The following CD37 variants were observed in gnomAD, a reference collection of about 807,000 sequenced individuals.
CD37 encodes the protein leukocyte antigen CD37.
A neutral mutation model predicts 38.9 loss-of-function variants in CD37; 37 were observed. The ratio of observed to expected loss-of-function variants is 0.95; its 90% confidence interval spans 0.73 to 1.25. The LOEUF (loss-of-function observed/expected upper bound fraction) is 1.25, where lower values mean the gene tolerates loss of function less well. CD37 is among the 50% of genes most tolerant of loss of function. CD37 has a pLI of 0.00. For missense variants in CD37, 351 were observed against 360.1 expected (o/e 0.97, Z 0.20); for synonymous variants, 146 against 150.1 (o/e 0.97, Z 0.20).
chr19:49,340,007 C>G lies in CD37; in HGVS notation c.769-244C>G, dbSNP rs1260617410. 4 of 1,459,304 alleles carry G rather than the reference C, an allele frequency of 2.7e-6. No individual in the cohort carries two copies. In the African/African-American group the frequency reaches 5.6e-5, roughly 21 times the overall value. The allele number at this position is 1,459,304 out of a possible 1,614,324, so 90.4% of individuals were successfully genotyped here. ...AGATGAGCCTCCAAAATAAAGGACCCTGGGCTTGCTTCCGACCTTACTCCT... is the reference window on the plus strand; with the variant it reads ...AGATGAGCCTCCAAAATAAAGGACCGTGGGCTTGCTTCCGACCTTACTCCT... On this transcript the variant is annotated intron_variant, in intron 7 of 7. Coordinates refer to ENST00000323906, the MANE Select transcript of CD37 (RefSeq NM_001774.3).
Position 49,340,356 on chromosome 19 carries a change from G to A in CD37, c.*28G>A, listed in dbSNP as rs1418340321. 3.8e-6 allele frequency: 5 copies of A among 1,327,050 alleles called. No homozygotes were observed. Among genetic ancestry groups the A allele is most frequent in the Admixed American group, 1.8e-5 (1 of 55,336 alleles). 82.2% of individuals were successfully genotyped at this position (1,327,050 alleles called of 1,614,324 possible). A position where few individuals can be genotyped will look rare whatever the true frequency, so the allele number is the denominator to read the frequency against. On this transcript the variant is annotated 3_prime_UTR_variant, in exon 8 of 8. Coordinates refer to ENST00000323906, the MANE Select transcript of CD37 (RefSeq NM_001774.3). ...CCCGCCCTCCCCAAAGTCCCGCCCC[G>A]CCCCCGTCACGTGCGCTGGGCACTT...
At position 49,339,694 on chromosome 19, in the gene CD37, A is replaced by T; in HGVS notation, c.768+281A>T. On this transcript the variant is annotated intron_variant, in intron 7 of 7. Transcript: ENST00000323906. The surrounding 1 kb of genome is among the most constrained non-coding windows in gnomAD (Gnocchi z 4.5). ...GGTGCTGAGCGTACAGCTACAGCGC[A>T]GGGCACTCCGCCGGAAATGCGAGCC... 5 of 1,412,894 alleles carry T rather than the reference A, an allele frequency of 3.5e-6. No homozygotes were observed. Among genetic ancestry groups the T allele is most frequent in the Non-Finnish European group, 3.7e-6 (4 of 1,089,094 alleles). 87.5% of individuals were successfully genotyped at this position (1,412,894 alleles called of 1,614,324 possible). A position where few individuals can be genotyped will look rare whatever the true frequency, so the allele number is the denominator to read the frequency against.
chr19:49,339,325 C>A lies in CD37; in HGVS notation c.685-5C>A, dbSNP rs770553318. On this transcript the variant is annotated splice_region_variant and splice_polypyrimidine_tract_variant and intron_variant, in intron 6 of 7. Coordinates refer to ENST00000323906, the MANE Select transcript of CD37 (RefSeq NM_001774.3). This position sits in a 1 kb window ranked among gnomAD's most constrained non-coding sequence, Gnocchi z 4.5. Reference sequence around the variant, plus strand: ...ATCCCTTTAACTTTTCCCTACACCCCCCAGGGCTGCGCGCAGGGCCTCCAG... The same window carrying A: ...ATCCCTTTAACTTTTCCCTACACCCACCAGGGCTGCGCGCAGGGCCTCCAG... 2 of 1,613,618 alleles carry A rather than the reference C, an allele frequency of 1.2e-6. No homozygotes were observed. Among genetic ancestry groups the A allele is most frequent in the Non-Finnish European group, 1.7e-6 (2 of 1,179,612 alleles).
chr19:49,338,817 G>T lies in CD37; in HGVS notation c.565G>T (p.Asp189Tyr). 6.2e-7 allele frequency: 1 copy of T among 1,614,010 alleles called. No individual in the cohort carries two copies. The highest frequency in any genetic ancestry group is 8.5e-7 in the Non-Finnish European group (1 of 1,180,020). Residue 189 changes from aspartate to tyrosine, a missense_variant, in exon 6 of 8, where the codon GAC becomes TAC. Asp to Tyr is a radical substitution (Grantham distance 160). Coordinates refer to ENST00000323906, the MANE Select transcript of CD37 (RefSeq NM_001774.3). The surrounding 1 kb of genome is among the most constrained non-coding windows in gnomAD (Gnocchi z 5.0). The stretch of plus-strand genomic sequence containing the variant: ...CTGCTACAACTTGTCGGCGACCAAC[G>T]ACTCCACAATCCTAGATAAGGTGAT... ...CSCYNLSATN[D>Y]STILDKVILP...
chr19:49,339,685 C>T lies in CD37; in HGVS notation c.768+272C>T. 1 of 1,421,592 alleles carries T rather than the reference C, an allele frequency of 7.0e-7. No individual in the cohort carries two copies. The highest frequency in any genetic ancestry group is 9.2e-7 in the Non-Finnish European group (1 of 1,092,840). 88.1% of individuals were successfully genotyped at this position (1,421,592 alleles called of 1,614,324 possible). A position where few individuals can be genotyped will look rare whatever the true frequency, so the allele number is the denominator to read the frequency against. On this transcript the variant is annotated intron_variant, in intron 7 of 7. Transcript: ENST00000323906. This position sits in a 1 kb window ranked among gnomAD's most constrained non-coding sequence, Gnocchi z 4.5. ...GACTGTCATGGTGCTGAGCGTACAGCTACAGCGCAGGGCACTCCGCCGGAA... is the reference window on the plus strand; with the variant it reads ...GACTGTCATGGTGCTGAGCGTACAGTTACAGCGCAGGGCACTCCGCCGGAA...
In CD37 at chr19:49,335,690, C is replaced by CGT; in HGVS notation, c.70-23_70-22dup. 2 of 1,613,368 alleles carry CGT rather than the reference C, an allele frequency of 1.2e-6. No individual in the cohort carries two copies. The highest frequency in any genetic ancestry group is 1.7e-6 in the Non-Finnish European group (2 of 1,179,404). ...CTCATCTTCCCCTGTGGCCCACCCC[C>CGT]GTATCCGCATCTCCTCTCCCCAGGT... On this transcript the variant is annotated intron_variant, in intron 1 of 7. Coordinates refer to ENST00000323906, the MANE Select transcript of CD37 (RefSeq NM_001774.3). This position sits in a 1 kb window ranked among gnomAD's most constrained non-coding sequence, Gnocchi z 4.6.
intron 7 of CD37, 40 bp from the exon 8 acceptor site, chr19:49,340,211 A>G (rs759775399): frequency 6.4e-7 from 1 of 1,558,218 alleles, no homozygotes. Context: ...TCTCGCCAGC[A>G]CCCCTTCGAC....
In CD37 at chr19:49,339,770, A is replaced by ACGG. The variant is rs1187990215; in HGVS notation, c.768+367_768+369dup. ...AGCCCCGGGCCCAGCCTGATCGCTG[A>ACGG]CGGCGGCGGCGGGCACAGCGGCAGT... On this transcript the variant is annotated intron_variant, in intron 7 of 7. Coordinates refer to ENST00000323906, the MANE Select transcript of CD37 (RefSeq NM_001774.3). This position sits in a 1 kb window ranked among gnomAD's most constrained non-coding sequence, Gnocchi z 4.5. 2.9e-6 allele frequency: 4 copies of ACGG among 1,373,310 alleles called. No individual in the cohort carries two copies. Among genetic ancestry groups the ACGG allele is most frequent in the African/African-American group, 1.5e-5 (1 of 68,360 alleles). 85.1% of individuals were successfully genotyped at this position (1,373,310 alleles called of 1,614,324 possible). A position where few individuals can be genotyped will look rare whatever the true frequency, so the allele number is the denominator to read the frequency against.
At chr19:49,337,866 T>C in intron 4 of CD37, 59 bp from the exon 5 acceptor site, 1 of 1,604,822 alleles carries the variant, frequency 6.2e-7, no homozygotes, top group East Asian at 2.2e-5. Flanking sequence ...TGGCACAGCC[T>C]GAGAGGGGGA....
chr19:49,339,298 G>A lies in CD37; in HGVS notation c.685-32G>A, dbSNP rs1285784739. On this transcript the variant is annotated intron_variant, in intron 6 of 7. Transcript: ENST00000323906. This position sits in a 1 kb window ranked among gnomAD's most constrained non-coding sequence, Gnocchi z 4.5. ...GGCCTGGGCTTGAGAGTCCCAGAAA[G>A]AATCCCTTTAACTTTTCCCTACACC... is the stretch of plus-strand genomic sequence containing the variant. 3 of 1,593,930 alleles carry A rather than the reference G, an allele frequency of 1.9e-6. No individual in the cohort carries two copies. Among genetic ancestry groups the A allele is most frequent in the African/African-American group, 2.7e-5 (2 of 74,440 alleles).
rs1379347503 is a variant in CD37 at position 49,339,944 on chromosome 19, A to T, written c.769-307A>T. ...ACTGGAAGTGCGGGCGCAGAATTAG[A>T]GGAGGCACAATTAGAGGCTGAGGCA... On this transcript the variant is annotated intron_variant, in intron 7 of 7. Transcript: ENST00000323906. This position sits in a 1 kb window ranked among gnomAD's most constrained non-coding sequence, Gnocchi z 4.5. 7.2e-7 allele frequency: 1 copy of T among 1,389,978 alleles called. No homozygotes were observed. The highest frequency in any genetic ancestry group is 9.3e-7 in the Non-Finnish European group (1 of 1,070,888). The allele number at this position is 1,389,978 out of a possible 1,614,324, so 86.1% of individuals were successfully genotyped here.
chr19:49,340,204 C>A, intron 7 of CD37, 47 bp from the exon 8 acceptor site: 1 of 1,553,058 alleles, frequency 6.4e-7, no homozygotes, highest in Non-Finnish European at 8.9e-7. Context: ...ACCCCCGTCT[C>A]GCCAGCACCC....
chr19:49,335,410 T>G lies in CD37; in HGVS notation c.-131T>G. Reference sequence around the variant, plus strand: ...GAGCCCCACCCCTGGAACTTCCTCTTTTGGGGTTCTTCCTTTCTCTCTCAG... The same window carrying G: ...GAGCCCCACCCCTGGAACTTCCTCTGTTGGGGTTCTTCCTTTCTCTCTCAG... On this transcript the variant is annotated 5_prime_UTR_variant, in exon 1 of 8. Transcript: ENST00000323906. This position sits in a 1 kb window ranked among gnomAD's most constrained non-coding sequence, Gnocchi z 4.6. The G allele has an allele frequency of 1.4e-6, 1 of 730,548 alleles. No homozygotes were observed. Among genetic ancestry groups the G allele is most frequent in the Non-Finnish European group, 2.4e-6 (1 of 423,716 alleles). 45.3% of individuals were successfully genotyped at this position (730,548 alleles called of 1,614,324 possible).
chr19:49,340,172 C>T (rs1384744295), intron 7 of CD37, 79 bp from the exon 8 acceptor site: 1 of 1,523,620 alleles, frequency 6.6e-7, no homozygotes, highest in Non-Finnish European at 9.0e-7. Flanking sequence ...CACCCCTGAC[C>T]TTTCTCGCCC....
Position 49,338,558 on chromosome 19 carries a change from C to T in CD37, c.448-142C>T, listed in dbSNP as rs1971046695. 3 of 674,078 alleles carry T rather than the reference C, an allele frequency of 4.5e-6. No individual in the cohort carries two copies. Among genetic ancestry groups the T allele is most frequent in the Non-Finnish European group, 8.0e-6 (3 of 376,006 alleles). 41.8% of individuals were successfully genotyped at this position (674,078 alleles called of 1,614,324 possible). On this transcript the variant is annotated intron_variant, in intron 5 of 7. Transcript: ENST00000323906. The surrounding 1 kb of genome is among the most constrained non-coding windows in gnomAD (Gnocchi z 5.0). ...TCCCCTGGCTCCGGCCCCATCGTGA[C>T]CCCAGCCCACTGTCCCCCACTCCAC...
rs147415665 is a variant in CD37 at position 49,337,973 on chromosome 19, G to T, written c.391G>T (p.Gly131Cys). The part of the protein sequence containing the change: ...DVVEKTIQKY[G>C]TNPEETAAEE... ...CGTAGAGAAAACCATCCAAAAGTAC[G>T]GCACCAACCCCGAGGAGACCGCGGC... The change falls in exon 5 of 8, where the codon GGC becomes TGC. Residue 131 changes from glycine to cysteine, a missense_variant. By Grantham distance (159) the Gly-to-Cys change is radical. Coordinates refer to ENST00000323906, the MANE Select transcript of CD37 (RefSeq NM_001774.3). 6.2e-7 allele frequency: 1 copy of T among 1,614,062 alleles called. No individual in the cohort carries two copies. The highest frequency in any genetic ancestry group is 8.5e-7 in the Non-Finnish European group (1 of 1,179,986).
chr19:49,335,601 T>A lies in CD37; in HGVS notation c.61T>A (p.Phe21Ile). 1 of 1,613,512 alleles carries A rather than the reference T, an allele frequency of 6.2e-7. No homozygotes were observed. ...IKYFLFVFNLFFFVLGSLIFC... is the reference protein window; with the variant it reads ...IKYFLFVFNLIFFVLGSLIFC... ...GTACTTCCTCTTCGTTTTCAACCTC[T>A]TCTTCTTCGTGAGTTGCCTCATGGC... The change falls in exon 1 of 8, where the codon TTC becomes ATC. Residue 21 changes from phenylalanine (F) to isoleucine (I), a missense_variant. Physicochemically the swap from Phe to Ile is conservative, Grantham distance 21 (BLOSUM62 0). Coordinates refer to ENST00000323906, the MANE Select transcript of CD37 (RefSeq NM_001774.3). This position sits in a 1 kb window ranked among gnomAD's most constrained non-coding sequence, Gnocchi z 4.6.
rs780073603 is a variant in CD37 at position 49,336,979 on chromosome 19, C to G, written c.213C>G (p.Ile71Met). ...LAISGIFTMG[I>M]ALLGCVGALK... is the part of the protein sequence containing the mutation. ...TCTCAGGAATCTTCACCATGGGCAT[C>G]GCCCTCCTGGGTTGTGTGGGGGCCC... The change falls in exon 3 of 8, where the codon ATC (isoleucine) becomes ATG (methionine). Residue 71 changes from isoleucine (I) to methionine (M), a missense_variant. Ile to Met is a conservative substitution (Grantham distance 10). Coordinates refer to ENST00000323906, the MANE Select transcript of CD37 (RefSeq NM_001774.3). 1 of 1,614,074 alleles carries G rather than the reference C, an allele frequency of 6.2e-7. No individual in the cohort carries two copies. Among genetic ancestry groups the G allele is most frequent in the African/African-American group, 1.3e-5 (1 of 75,068 alleles).
Position 49,338,878 on chromosome 19 carries a change from G to C in CD37, c.626G>C (p.Arg209Pro), listed in dbSNP as rs1971063566. 1.2e-6 allele frequency: 2 copies of C among 1,613,982 alleles called. No individual in the cohort carries two copies. The highest frequency in any genetic ancestry group is 1.3e-5 in the African/African-American group (1 of 74,938). ...CTCAGCAGGCTTGGACACCTGGCGC[G>C]GTCCAGACACAGTGCAGACATCTGC... is the stretch of plus-strand genomic sequence containing the variant. ...PQLSRLGHLA[R>P]SRHSADICAV... Residue 209 changes from arginine (R) to proline (P), a missense_variant, in exon 6 of 8, where the codon CGG becomes CCG. Physicochemically the swap from Arg to Pro is moderately radical, Grantham distance 103. Coordinates refer to ENST00000323906, the MANE Select transcript of CD37 (RefSeq NM_001774.3). The surrounding 1 kb of genome is among the most constrained non-coding windows in gnomAD (Gnocchi z 5.0).
Sources: allele counts gnomAD v4.1 joint callset, GRCh38; gene constraint gnomAD v4.1.1; non-coding constraint Gnocchi (gnomAD v3.1); transcripts MANE v1.5; gene names NCBI Gene and HGNC (gene_info 2026-07-23, HGNC 2026-07-21).